Variants in GDI2 observed in about 807,000 individuals in gnomAD.
The protein encoded by GDI2 is rab GDP dissociation inhibitor beta.
A neutral mutation model predicts 54.2 loss-of-function variants in GDI2; 22 were observed. That is an observed-to-expected ratio of 0.41 (90% CI 0.29 to 0.58). The LOEUF (loss-of-function observed/expected upper bound fraction) is 0.58. Among genes scored for constraint, GDI2 ranks in the 20% least tolerant of loss-of-function variants. The probability of loss-of-function intolerance (pLI) is 0.35; values close to 1 mark genes in which losing one functional copy is unlikely to be tolerated. For synonymous variants in GDI2, 177 were observed against 182.1 expected, an observed-to-expected ratio of 0.97 and a Z score of 0.23; for missense variants, 422 against 546.0, an observed-to-expected ratio of 0.77 and a Z score of 2.26.
chr10:5,802,604 A>C (rs1841295208), intron 1 of GDI2, among the ~76,000 whole-genome samples: 1 of 152,186 alleles, frequency 6.6e-6, no homozygotes, highest in African/African-American at 2.4e-5. Flanking sequence ...TCTCAAAAAA[A>C]AAAAAAGAAT....
At chr10:5,771,761 A>T (rs759608548) in intron 7 of GDI2, among the ~76,000 whole-genome samples, 2 of 152,216 alleles carry the variant, frequency 1.3e-5, no homozygotes, top group African/African-American at 4.8e-5. Context: ...CAAAAGAAAA[A>T]TACAGAATAA....
intron 1 of GDI2, among the ~76,000 whole-genome samples, chr10:5,804,606 T>G (rs1263985013): frequency 6.6e-6 from 1 of 152,234 alleles, no homozygotes; most frequent in Non-Finnish European, 1.5e-5. Context: ...TAAGATTCTT[T>G]CATGTTTTGT....
chr10:5,809,848 A>G (rs1286937470), intron 1 of GDI2, among the ~76,000 whole-genome samples: 12 of 152,196 alleles, frequency 7.9e-5, no homozygotes, highest in Admixed American at 7.9e-4. Context: ...ATGTCACACT[A>G]TTGTCATCTC....
chr10:5,798,363 A>G (rs1338674100), intron 2 of GDI2, among the ~76,000 whole-genome samples: 1 of 152,154 alleles, frequency 6.6e-6, no homozygotes, highest in Non-Finnish European at 1.5e-5. Flanking sequence ...CAAGGCAGGC[A>G]GATCACCTGA....
intron 1 of GDI2, among the ~76,000 whole-genome samples, chr10:5,810,815 T>TA (rs1289295351): frequency 6.6e-6 from 1 of 152,202 alleles, no homozygotes; most frequent in African/African-American, 2.4e-5. Context: ...TTTACTCCTT[T>TA]ATACCAAATC....
At chr10:5,799,626 T>C (rs1841223379) in intron 2 of GDI2, among the ~76,000 whole-genome samples, 1 of 152,240 alleles carries the variant, frequency 6.6e-6, no homozygotes, top group South Asian at 2.1e-4. Context: ...CACTCCAGCC[T>C]GGGCGGCAGA....
intron 6 of GDI2, among the ~76,000 whole-genome samples, chr10:5,778,416 T>G (rs11594505): frequency 6.6e-6 from 1 of 152,348 alleles, no homozygotes; most frequent in South Asian, 2.1e-4. Flanking sequence ...ATTGACTATA[T>G]GCATTTTGTT....
chr10:5,808,584 G>A (rs1265359190), intron 1 of GDI2, among the ~76,000 whole-genome samples: 1 of 151,164 alleles, frequency 6.6e-6, no homozygotes, highest in Non-Finnish European at 1.5e-5. Flanking sequence ...CCTGAGGCAG[G>A]AGAATTACTT....
chr10:5,785,965 A>C lies in GDI2; in HGVS notation c.474T>G (p.Phe158Leu), dbSNP rs1271055372. ...TGGTCTTCTTAGGATCAATGCCTTC[A>C]AAAGTTCTTGGATCTTTTTCATCGA... ...ANFDEKDPRTFEGIDPKKTTM... is the reference protein window; with the variant it reads ...ANFDEKDPRTLEGIDPKKTTM... Residue 158 changes from phenylalanine (F) to leucine (L), a missense_variant, in exon 5 of 11, where the codon TTT becomes TTG. By Grantham distance (22) the Phe-to-Leu change is conservative. Coordinates refer to ENST00000380191, the MANE Select transcript of GDI2 (RefSeq NM_001494.4). The C allele has an allele frequency of 6.2e-7, 1 of 1,613,214 alleles. No individual in the cohort carries two copies. The highest frequency in any genetic ancestry group is 8.5e-7 in the Non-Finnish European group (1 of 1,179,212).
chr10:5,766,592 T>C lies in GDI2; in HGVS notation c.1038A>G (p.Gln346=). 6.2e-7 allele frequency: 1 copy of C among 1,612,918 alleles called. No individual in the cohort carries two copies. The highest frequency in any genetic ancestry group is 2.2e-5 in the East Asian group (1 of 44,882). The change falls in exon 9 of 11, where the codon CAA becomes CAG. Residue 346 remains glutamine (Q), a synonymous_variant. Transcript: ENST00000380191. The surrounding 1 kb of genome is among the most constrained non-coding windows in gnomAD (Gnocchi z 5.8). ...TACTAACTATAGCAATGTACTTCCC[T>C]TGTGCTGCTACATTGTGCGCAAAGG... The part of the protein sequence containing the change: ...MISFAHNVAA[Q]GKYIAIVSTT...
At chr10:5,785,778 T>C in intron 5 of GDI2, 74 bp downstream of exon 5, 1 of 911,652 alleles carries the variant, frequency 1.1e-6, no homozygotes, top group Non-Finnish European at 1.8e-6. Flanking sequence ...TTTGTTAGAA[T>C]TTCCACTTGG....
chr10:5,803,100 TCA>T (rs1355071350), intron 1 of GDI2, among the ~76,000 whole-genome samples: 1 of 152,234 alleles, frequency 6.6e-6, no homozygotes, highest in Non-Finnish European at 1.5e-5. Flanking sequence ...GTATGTGAAT[TCA>T]GTTTTATTAA....
intron 7 of GDI2, among the ~76,000 whole-genome samples, chr10:5,771,612 T>G (rs1011958404): frequency 6.8e-6 from 1 of 146,134 alleles, no homozygotes; most frequent in African/African-American, 2.4e-5. Flanking sequence ...GCTCAGTAAA[T>G]GTACTCTACA....
chr10:5,776,398 G>A lies in GDI2; in HGVS notation c.720-2457C>T, dbSNP rs977427351. 1.5e-5 allele frequency: 11 copies of A among 755,322 alleles called. No individual in the cohort carries two copies. In the African/African-American group the frequency reaches 1.6e-4, roughly 11 times the overall value. The allele number at this position is 755,322 out of a possible 1,614,324, so 46.8% of individuals were successfully genotyped here. On this transcript the variant is annotated intron_variant, in intron 6 of 10. Transcript: ENST00000380191. The surrounding 1 kb of genome is among the most constrained non-coding windows in gnomAD (Gnocchi z 5.3). ...AAGCACAGCCCTTTCACAGAGAAAT[G>A]CCTGCCTGAGATTCAAGGGATCTTT...
chr10:5,794,198 T>A (rs1418485917), intron 4 of GDI2, among the ~76,000 whole-genome samples: 2,754 of 47,882 alleles, frequency 0.058, 159 homozygotes, highest in East Asian at 0.075. Context: ...AATATATATA[T>A]ATATATATAT....
chr10:5,798,496 C>A (rs760320924), intron 2 of GDI2, among the ~76,000 whole-genome samples: 1 of 150,550 alleles, frequency 6.6e-6, no homozygotes, highest in Non-Finnish European at 1.5e-5. Flanking sequence ...GGCTGAGGCA[C>A]GAGAATCGTT....
At chr10:5,812,713 C>T (rs905281986) in intron 1 of GDI2, among the ~76,000 whole-genome samples, 1 of 152,354 alleles carries the variant, frequency 6.6e-6, no homozygotes, top group Admixed American at 6.5e-5. Context: ...AGTTCCGAAG[C>T]AGTGATTATC....
At position 5,774,347 on chromosome 10, in the gene GDI2, G is replaced by A. The variant is rs764349564; in HGVS notation, c.720-406C>T. ...AAAGAACTGAGGTTGCTGCAGACCCGTACGGATTCATCTCAGCACGGTAAC... is the reference window on the plus strand; with the variant it reads ...AAAGAACTGAGGTTGCTGCAGACCCATACGGATTCATCTCAGCACGGTAAC... On this transcript the variant is annotated intron_variant, in intron 6 of 10. Transcript: ENST00000380191. This position sits in a 1 kb window ranked among gnomAD's most constrained non-coding sequence, Gnocchi z 4.8. 5.9e-5 allele frequency among the ~76,000 whole-genome samples: 9 copies of A among 152,086 alleles called. No homozygotes were observed. Among genetic ancestry groups the A allele is most frequent in the Non-Finnish European group, 8.8e-5 (6 of 68,016 alleles).
In GDI2 at chr10:5,768,580, T is replaced by A. The variant is rs1159266591; in HGVS notation, c.820-196A>T. On this transcript the variant is annotated intron_variant, in intron 7 of 10. Transcript: ENST00000380191. The surrounding 1 kb of genome is among the most constrained non-coding windows in gnomAD (Gnocchi z 4.4). ...AGAACAGCAAAGCTGGAGGACTCAC[T>A]CACTAAAAAGCTACAGTGATCAATT... 1.8e-6 allele frequency: 1 copy of A among 569,106 alleles called. No homozygotes were observed. Among genetic ancestry groups the A allele is most frequent in the Admixed American group, 3.1e-5 (1 of 31,932 alleles). 35.3% of individuals were successfully genotyped at this position (569,106 alleles called of 1,614,324 possible).
Sources: allele counts gnomAD v4.1 joint callset (sites outside exome capture counted in the v4.1 genomes callset), GRCh38; gene constraint gnomAD v4.1.1; non-coding constraint Gnocchi (gnomAD v3.1); transcripts MANE v1.5; gene names NCBI Gene and HGNC (gene_info 2026-07-23, HGNC 2026-07-21).